The following LHFPL1 variants were observed in gnomAD, a reference collection of about 807,000 sequenced individuals.
LHFPL1 encodes LHFPL tetraspan subfamily member 1 protein.
Under a neutral mutation model 12.1 loss-of-function variants are expected in LHFPL1, and 4 were observed. That is an observed-to-expected ratio of 0.33 (90% CI 0.16 to 0.76). The LOEUF is 0.76. LHFPL1 is among the 30% of genes least tolerant of loss of function. The pLI is 0.61. For missense variants in LHFPL1, 141 were observed against 174.1 expected (o/e 0.81, Z 1.07); for synonymous variants, 52 against 61.9 (o/e 0.84, Z 0.75).
At chrX:112,631,736 T>A (rs1162757270) in intron 3 of LHFPL1, 135 bp from the exon 4 acceptor site, 1 of 418,724 alleles carries the variant, frequency 2.4e-6, no homozygotes. Flanking sequence ...AGGGTGAGAA[T>A]AGGAAACAGC....
chrX:112,644,009 A>T (rs5929196), intron 3 of LHFPL1, among the ~76,000 whole-genome samples: 6,465 of 111,917 alleles, frequency 0.058, 184 homozygotes, highest in Middle Eastern at 0.13. Context: ...TGATTCCCCC[A>T]CTGCCTGCTC....
chrX:112,667,546 C>T (rs1931371372), intron 2 of LHFPL1, among the ~76,000 whole-genome samples: 1 of 112,487 alleles, frequency 8.9e-6, no homozygotes, highest in Non-Finnish European at 1.9e-5. Context: ...CAAGAAGTTC[C>T]TTATGTGTAC....
chrX:112,638,454 A>G (rs1930408180), intron 3 of LHFPL1, among the ~76,000 whole-genome samples: 1 of 111,361 alleles, frequency 9.0e-6, no homozygotes, highest in Non-Finnish European at 1.9e-5. Flanking sequence ...AGCTACAGAG[A>G]AGCACCTAGG....
At chrX:112,658,241 T>C (rs916619597) in intron 3 of LHFPL1, among the ~76,000 whole-genome samples, 10 of 109,368 alleles carry the variant, frequency 9.1e-5, no homozygotes, top group African/African-American at 3.0e-4. Flanking sequence ...CTGGCCAACA[T>C]AGTGAAACCC....
intron 3 of LHFPL1, among the ~76,000 whole-genome samples, chrX:112,631,829 AT>A (rs1254825549): frequency 9.9e-5 from 11 of 111,372 alleles, no homozygotes. Context: ...GTAAGATTTT[AT>A]TTTTTTGTTA....
At chrX:112,639,940 T>C (rs1930454789) in intron 3 of LHFPL1, among the ~76,000 whole-genome samples, 2 of 111,992 alleles carry the variant, frequency 1.8e-5, no homozygotes, top group Non-Finnish European at 3.8e-5. Flanking sequence ...TGACCAAATA[T>C]TGGATGTATT....
intron 3 of LHFPL1, among the ~76,000 whole-genome samples, chrX:112,633,847 G>C (rs1349467064): frequency 9.0e-6 from 1 of 111,419 alleles, no homozygotes; most frequent in Non-Finnish European, 1.9e-5. Flanking sequence ...CTCCAAAGTA[G>C]TTTAAACGTG....
intron 3 of LHFPL1, among the ~76,000 whole-genome samples, chrX:112,654,156 TAAGACATATACATA>T (rs1930930341): frequency 8.9e-6 from 1 of 112,312 alleles, no homozygotes; most frequent in South Asian, 3.7e-4. Flanking sequence ...ACTAGTATGC[TAAGACATATACATA>T]AAGTTGTTCC....
At position 112,671,243 on chromosome X, in the gene LHFPL1, A is replaced by C; in HGVS notation, c.148T>G (p.Cys50Gly). 8.3e-7 allele frequency: 1 copy of C among 1,211,627 alleles called. No individual in the cohort carries two copies. Among genetic ancestry groups the C allele is most frequent in the Non-Finnish European group, 1.1e-6 (1 of 895,469 alleles). Residue 50 changes from cysteine to glycine, a missense_variant, in exon 2 of 4, where the codon TGC becomes GGC. Physicochemically the swap from Cys to Gly is radical, Grantham distance 159. Coordinates refer to ENST00000371968, the MANE Select transcript of LHFPL1 (RefSeq NM_178175.4). ...CCCTCTCCCCGCACAGGGTAGTTGC[A>C]CCTCCGGAATGTGCTGAATGACACT... ...KPVSFSTFRR[C>G]NYPVRGEGHS...
chrX:112,665,830 G>A (rs1931316717), intron 2 of LHFPL1, among the ~76,000 whole-genome samples: 1 of 111,913 alleles, frequency 8.9e-6, no homozygotes, highest in African/African-American at 3.3e-5. Flanking sequence ...TGCAAAATCT[G>A]AGACAGAACT....
rs753066815 is a variant in LHFPL1, at chrX:112,634,868, G to A, written c.482-3267C>T. 3.6e-5 allele frequency among the ~76,000 whole-genome samples: 4 copies of A among 111,967 alleles called. No individual in the cohort carries two copies. The East Asian group carries it at 8.4e-4, about 24-fold the overall frequency. ...CTGCTGTCATAAAGGAAACTAAGGA[G>A]AAAGAGGGGAAATGTATCTTCCATC... is the stretch of plus-strand genomic sequence containing the variant. On this transcript the variant is annotated intron_variant, in intron 3 of 3. Coordinates refer to ENST00000371968, the MANE Select transcript of LHFPL1 (RefSeq NM_178175.4).
intron 3 of LHFPL1, among the ~76,000 whole-genome samples, chrX:112,653,394 C>T (rs930070327): frequency 9.0e-6 from 1 of 111,630 alleles, no homozygotes; most frequent in Non-Finnish European, 1.9e-5. Flanking sequence ...TTCAGTTATT[C>T]CCTCTCTAAC....
intron 3 of LHFPL1, among the ~76,000 whole-genome samples, chrX:112,642,678 G>A (rs766748446): frequency 4.5e-5 from 5 of 110,527 alleles, no homozygotes; most frequent in African/African-American, 1.7e-4. Context: ...TATTGTAACA[G>A]CCTTGCTTTC....
intron 3 of LHFPL1, among the ~76,000 whole-genome samples, chrX:112,637,253 G>C (rs927703622): frequency 8.9e-6 from 1 of 112,094 alleles, no homozygotes; most frequent in African/African-American, 3.2e-5. Context: ...ATTGGAATTT[G>C]ACTCTGTTTC....
intron 2 of LHFPL1, among the ~76,000 whole-genome samples, chrX:112,667,201 A>C (rs1320271944): frequency 8.9e-6 from 1 of 112,122 alleles, no homozygotes; most frequent in Non-Finnish European, 1.9e-5. Context: ...ACTTTTATTC[A>C]GTTTGAAGCA....
intron 3 of LHFPL1, among the ~76,000 whole-genome samples, chrX:112,646,470 C>T (rs1306327859): frequency 9.1e-6 from 1 of 109,432 alleles, no homozygotes; most frequent in Non-Finnish European, 1.9e-5. Context: ...CAAACACATA[C>T]CCCAGAAGAC....
chrX:112,650,004 C>CT (rs952465327), intron 3 of LHFPL1, among the ~76,000 whole-genome samples: 2 of 109,406 alleles, frequency 1.8e-5, no homozygotes, highest in African/African-American at 6.7e-5. Context: ...TATAGCTTCT[C>CT]TAAGTTTTTA....
intron 3 of LHFPL1, among the ~76,000 whole-genome samples, chrX:112,659,844 C>T (rs1422345835): frequency 8.9e-6 from 1 of 112,198 alleles, no homozygotes; most frequent in Non-Finnish European, 1.9e-5. Flanking sequence ...CAGGGAACAA[C>T]TTTCTCAAAA....
intron 3 of LHFPL1, 135 bp from the exon 4 acceptor site, chrX:112,631,736 T>C (rs1162757270): frequency 3.6e-5 from 15 of 417,135 alleles, no homozygotes; most frequent in Non-Finnish European, 6.0e-5. Flanking sequence ...AGGGTGAGAA[T>C]AGGAAACAGC....
Sources: gnomAD v4.1 joint callset for allele counts (sites outside exome capture counted in the v4.1 genomes callset) on GRCh38, gnomAD v4.1.1 for gene constraint, MANE v1.5 for transcripts, NCBI Gene and HGNC (gene_info 2026-07-23, HGNC 2026-07-21) for gene names.